TANC2: variants seen among roughly 807,000 people sequenced by gnomAD.
The protein encoded by TANC2 is protein TANC2.
A neutral mutation model predicts 210.5 loss-of-function variants in TANC2; 26 were observed. That is an observed-to-expected ratio of 0.12 (90% CI 0.09 to 0.17). The LOEUF (loss-of-function observed/expected upper bound fraction) is 0.17, where lower values mean the gene tolerates loss of function less well. TANC2 is among the 10% of genes least tolerant of loss of function. The pLI, the probability that TANC2 is intolerant of heterozygous loss-of-function variation, is 1.00. For missense variants in TANC2, 2,129 were observed against 2,608.9 expected (o/e 0.82, Z 4.01); for synonymous variants, 931 against 967.1 (o/e 0.96, Z 0.69).
chr17:63,325,078 G>GGGGGA (rs2045604554), intron 11 of TANC2, among the ~76,000 whole-genome samples: 1 of 133,002 alleles, frequency 7.5e-6, no homozygotes, highest in Non-Finnish European at 1.6e-5. Context: ...GGGGCGGGGG[G>GGGGGA]CGGGCAGGGG....
intron 1 of TANC2, among the ~76,000 whole-genome samples, chr17:62,999,731 A>G (rs944703148): frequency 5.3e-5 from 8 of 152,148 alleles, no homozygotes; most frequent in Non-Finnish European, 1.2e-4. Flanking sequence ...AAGATTGGAC[A>G]TCCCTGGTAT....
intron 3 of TANC2, among the ~76,000 whole-genome samples, chr17:63,086,505 T>C (rs1237657240): frequency 6.6e-6 from 1 of 152,230 alleles, no homozygotes; most frequent in African/African-American, 2.4e-5. Context: ...TCTTAATTTC[T>C]ATTCTAATGT....
intron 24 of TANC2, 187 bp from the exon 25 acceptor site, chr17:63,413,356 C>A: frequency 1.9e-6 from 1 of 517,288 alleles, no homozygotes; most frequent in Non-Finnish European, 3.4e-6. Flanking sequence ...AAGGTGAATA[C>A]AAATCCAATG....
At chr17:63,089,594 A>G (rs1489336951) in intron 3 of TANC2, among the ~76,000 whole-genome samples, 1 of 152,156 alleles carries the variant, frequency 6.6e-6, no homozygotes, top group Non-Finnish European at 1.5e-5. Flanking sequence ...ATCTTTAATT[A>G]GTTATTAAAC....
intron 3 of TANC2, among the ~76,000 whole-genome samples, chr17:63,097,577 CA>C (rs200326011): frequency 0.33 from 40,211 of 121,902 alleles, 5,453 homozygotes; most frequent in African/African-American, 0.39. Flanking sequence ...TAAAAAATTG[CA>C]AAAAAAAAAA....
At chr17:63,169,514 A>G (rs183177123) in intron 5 of TANC2, among the ~76,000 whole-genome samples, 1 of 152,062 alleles carries the variant, frequency 6.6e-6, no homozygotes, top group Non-Finnish European at 1.5e-5. Context: ...CCATCATGTC[A>G]GTTCTTTAAT....
At chr17:63,328,994 C>G (rs1475179097) in intron 11 of TANC2, among the ~76,000 whole-genome samples, 1 of 152,068 alleles carries the variant, frequency 6.6e-6, no homozygotes, top group East Asian at 1.9e-4. Flanking sequence ...ATCCACCTTC[C>G]CTTCTCCAAC....
chr17:63,395,938 A>C lies in TANC2; in HGVS notation c.3237+10A>C. ...CATGGGTTATACTGAGGTAAGAAGT[A>C]GGCAATAGGATTGTTTTTTCAAGCT... is the stretch of plus-strand genomic sequence containing the variant. On this transcript the variant is annotated intron_variant, in intron 18 of 27. Transcript: ENST00000689528. 14 of 1,597,808 alleles carry C rather than the reference A, an allele frequency of 8.8e-6. No individual in the cohort carries two copies. Among genetic ancestry groups the C allele is most frequent in the Non-Finnish European group, 1.2e-5 (14 of 1,171,060 alleles).
intron 9 of TANC2, among the ~76,000 whole-genome samples, chr17:63,311,470 T>C (rs1045510355): frequency 6.6e-6 from 1 of 152,202 alleles, no homozygotes; most frequent in Non-Finnish European, 1.5e-5. Flanking sequence ...CATTTCTCTC[T>C]AGCTAATGGA....
rs974897885 is a variant in TANC2 at position 63,183,808 on chromosome 17, G to A, written c.434-10183G>A. 6.6e-5 allele frequency among the ~76,000 whole-genome samples: 10 copies of A among 152,274 alleles called. No homozygotes were observed. In the East Asian group the frequency reaches 1.7e-3, roughly 26 times the overall value. On this transcript the variant is annotated intron_variant, in intron 5 of 27. Transcript: ENST00000689528. ...CGAGGTGGGCGGATCACGAGGTCAG[G>A]AGATTGAGACCATCCTGGCTAACAC... is the stretch of plus-strand genomic sequence containing the variant.
In TANC2 at chr17:63,072,524, G is replaced by A. The variant is rs377018341; in HGVS notation, c.68-1419G>A. On this transcript the variant is annotated intron_variant, in intron 2 of 27. Transcript: ENST00000689528. Reference sequence around the variant, plus strand: ...AAATGTGGTAACTTATATAGTAACAGCAGAACTAAAATAAACTGATTTATA... The same window carrying A: ...AAATGTGGTAACTTATATAGTAACAACAGAACTAAAATAAACTGATTTATA... Among the ~76,000 whole-genome samples, 81 of 151,992 alleles carry A rather than the reference G, an allele frequency of 5.3e-4. 2 individuals carry two copies. The South Asian group carries it at 0.017, about 31-fold the overall frequency.
intron 2 of TANC2, among the ~76,000 whole-genome samples, chr17:63,050,928 C>G (rs907781131): frequency 6.6e-6 from 1 of 152,172 alleles, no homozygotes; most frequent in Admixed American, 6.5e-5. Flanking sequence ...ATTTCACAAG[C>G]CTACCCTTTT....
chr17:63,259,016 T>C (rs1013261543), intron 8 of TANC2, among the ~76,000 whole-genome samples: 2 of 152,144 alleles, frequency 1.3e-5, no homozygotes, highest in Admixed American at 6.5e-5. Context: ...GATTCAAGGC[T>C]CAAGGGCTCT....
At chr17:63,383,932 T>A (rs1323510333) in intron 15 of TANC2, among the ~76,000 whole-genome samples, 1 of 152,126 alleles carries the variant, frequency 6.6e-6, no homozygotes, top group Non-Finnish European at 1.5e-5. Context: ...TTGAAAAAAA[T>A]CACTATTCCA....
chr17:63,182,619 GT>G (rs2040829226), intron 5 of TANC2: 1 of 178,352 alleles, frequency 5.6e-6, no homozygotes, highest in Non-Finnish European at 1.2e-5. Context: ...GGATTTCCAT[GT>G]TTTGGAAGTG....
At chr17:63,374,038 T>TTG (rs1252746332) in intron 14 of TANC2, among the ~76,000 whole-genome samples, 1 of 143,520 alleles carries the variant, frequency 7.0e-6, no homozygotes, top group Non-Finnish European at 1.5e-5. Context: ...GTTGGTTTTT[T>TTG]TTTTTTTTTT....
rs551304093 is a variant in TANC2, at chr17:62,966,634, G to A, written c.-139G>A. Among the ~76,000 whole-genome samples, 73 of 151,840 alleles carry A rather than the reference G, an allele frequency of 4.8e-4. No homozygotes were observed. Among genetic ancestry groups the A allele is most frequent in the Non-Finnish European group, 9.3e-4 (63 of 67,914 alleles). On this transcript the variant is annotated 5_prime_UTR_variant, in exon 1 of 28. Transcript: ENST00000689528. This position sits in a 1 kb window ranked among gnomAD's most constrained non-coding sequence, Gnocchi z 5.1. ...TGCAGACTCGCCGCGGGGCGTTGGAGGACTGCGAGGTGCTCCGGGAATCGC... is the reference window on the plus strand; with the variant it reads ...TGCAGACTCGCCGCGGGGCGTTGGAAGACTGCGAGGTGCTCCGGGAATCGC...
chr17:63,007,984 G>A (rs1427898472), intron 1 of TANC2, among the ~76,000 whole-genome samples: 4 of 120,772 alleles, frequency 3.3e-5, no homozygotes, highest in Admixed American at 1.6e-4. Context: ...CTTGATTGGC[G>A]CCAGTTTTTT....
chr17:63,368,390 C>T (rs529861373), intron 14 of TANC2, among the ~76,000 whole-genome samples: 1 of 152,084 alleles, frequency 6.6e-6, no homozygotes, highest in Admixed American at 6.6e-5. Flanking sequence ...AGAGAATGCT[C>T]AAGGCATGCA....
Sources: allele counts gnomAD v4.1 joint callset (sites outside exome capture counted in the v4.1 genomes callset), GRCh38; gene constraint gnomAD v4.1.1; non-coding constraint Gnocchi (gnomAD v3.1); transcripts MANE v1.5; gene names NCBI Gene and HGNC (gene_info 2026-07-23, HGNC 2026-07-21).